CCNY: variants seen among roughly 807,000 people sequenced by gnomAD.
The protein encoded by CCNY is cyclin Y.
CCNY carries 19 observed loss-of-function variants against 42.8 expected under a neutral mutation model. The observed-to-expected ratio is 0.44, with a 90% CI of 0.31 to 0.65. The LOEUF (loss-of-function observed/expected upper bound fraction) is 0.65. Among genes scored for constraint, CCNY ranks in the 30% least tolerant of loss-of-function variants. The probability of loss-of-function intolerance (pLI) is 0.07; values close to 1 mark genes in which losing one functional copy is unlikely to be tolerated. For synonymous variants in CCNY, 165 were observed against 162.7 expected (o/e 1.01, Z -0.11); for missense variants, 370 against 437.3 (o/e 0.85, Z 1.37).
intron 3 of CCNY, among the ~76,000 whole-genome samples, chr10:35,325,990 C>T (rs998887058): frequency 3.3e-5 from 5 of 152,042 alleles, no homozygotes; most frequent in Non-Finnish European, 4.4e-5. Context: ...GTAGGAGGAT[C>T]GCTTGAGCCC....
At chr10:35,558,302 A>C (rs141884792) in intron 8 of CCNY, among the ~76,000 whole-genome samples, 2 of 152,346 alleles carry the variant, frequency 1.3e-5, no homozygotes, top group Non-Finnish European at 2.9e-5. Context: ...GGAAAGAAGA[A>C]GCCAGAAGGA....
intron 1 of CCNY, among the ~76,000 whole-genome samples, chr10:35,382,459 ACT>A (rs1837208656): frequency 6.6e-6 from 1 of 152,070 alleles, no homozygotes; most frequent in Non-Finnish European, 1.5e-5. Context: ...TGGCTTCTTG[ACT>A]CTCATCTCCA....
intron 1 of CCNY, among the ~76,000 whole-genome samples, chr10:35,408,480 G>A (rs117178989): frequency 1.1e-3 from 166 of 151,266 alleles, no homozygotes; most frequent in Middle Eastern, 3.4e-3. Context: ...TGGGGGCAGG[G>A]GGTGGATCTC....
At chr10:35,396,081 T>C (rs1187063334) in intron 1 of CCNY, among the ~76,000 whole-genome samples, 1 of 152,156 alleles carries the variant, frequency 6.6e-6, no homozygotes, top group Admixed American at 6.5e-5. Context: ...ACTGACTGGC[T>C]CTTTCATCCT....
In CCNY at chr10:35,304,289, CTTTTATTTTTTTTTTTT is replaced by C. The variant is rs1335854983; in HGVS notation, c.-9+53675_-9+53691del. 2.5e-5 allele frequency among the ~76,000 whole-genome samples: 3 copies of C among 118,372 alleles called. 1 individual carries two copies. The highest frequency in any genetic ancestry group is 2.7e-4 in the South Asian group (1 of 3,646). The allele number at this position is 118,372 out of a possible 152,430, so 77.7% of individuals were successfully genotyped here. On this transcript the variant is annotated intron_variant, in intron 3 of 11. Transcript: ENST00000374706. ...AAGATCTTGAAAAGGCTTTTTTCTC[CTTTTATTTTTTTTTTTT>C]TTTTATTTTTTATTTTTTTTTGAGA...
At position 35,530,344 on chromosome 10, in the gene CCNY, A is replaced by G. The variant is rs566359478; in HGVS notation, c.579+101A>G. 124 of 1,460,238 alleles carry G rather than the reference A, an allele frequency of 8.5e-5. 1 individual carries two copies. The South Asian group carries it at 1.4e-3, about 16-fold the overall frequency. The allele number at this position is 1,460,238 out of a possible 1,614,324, so 90.5% of individuals were successfully genotyped here. A position where few individuals can be genotyped will look rare whatever the true frequency, so the allele number is the denominator to read the frequency against. ...GAGGTTGGAGCAGGGAATCCTCACC[A>G]GGTTACCCTGTGGACACCGTGGCAT... On this transcript the variant is annotated intron_variant, in intron 7 of 9. Transcript: ENST00000374704. This position sits in a 1 kb window ranked among gnomAD's most constrained non-coding sequence, Gnocchi z 4.3.
chr10:35,448,132 C>A (rs192042454), intron 1 of CCNY, among the ~76,000 whole-genome samples: 1 of 152,306 alleles, frequency 6.6e-6, no homozygotes, highest in Non-Finnish European at 1.5e-5. Flanking sequence ...GACTTCTGTA[C>A]AGCAGCAGAT....
At chr10:35,440,268 C>T (rs1838637274) in intron 1 of CCNY, among the ~76,000 whole-genome samples, 1 of 152,166 alleles carries the variant, frequency 6.6e-6, no homozygotes, top group Non-Finnish European at 1.5e-5. Context: ...CAGCTTTTAT[C>T]TGAGATAAGT....
intron 1 of CCNY, among the ~76,000 whole-genome samples, chr10:35,463,556 G>T (rs990923342): frequency 1.3e-5 from 2 of 152,016 alleles, no homozygotes; most frequent in African/African-American, 4.8e-5. Flanking sequence ...AAGTTTAAAA[G>T]GAAAAAGAGT....
intron 1 of CCNY, among the ~76,000 whole-genome samples, chr10:35,476,208 A>G (rs896561857): frequency 1.3e-5 from 2 of 152,216 alleles, no homozygotes; most frequent in Non-Finnish European, 2.9e-5. Flanking sequence ...ACCCACTGTC[A>G]ACATTAGACA....
At chr10:35,299,660 T>C (rs1466731634) in intron 3 of CCNY, among the ~76,000 whole-genome samples, 1 of 152,234 alleles carries the variant, frequency 6.6e-6, no homozygotes, top group East Asian at 1.9e-4. Context: ...TAAAGTGGAT[T>C]TCTTGTAGAC....
chr10:35,438,860 A>G (rs1423101659), intron 1 of CCNY, among the ~76,000 whole-genome samples: 1 of 152,138 alleles, frequency 6.6e-6, no homozygotes, highest in Non-Finnish European at 1.5e-5. Context: ...TCTGCTGGTG[A>G]CAGTTTCTCT....
At chr10:35,279,322 C>T (rs1835273806) in intron 3 of CCNY, among the ~76,000 whole-genome samples, 1 of 151,968 alleles carries the variant, frequency 6.6e-6, no homozygotes, top group Non-Finnish European at 1.5e-5. Context: ...CCATGTTGGC[C>T]AGTCTGGTCT....
chr10:35,306,084 G>C (rs1025720744), intron 3 of CCNY, among the ~76,000 whole-genome samples: 5 of 152,196 alleles, frequency 3.3e-5, no homozygotes, highest in Non-Finnish European at 7.4e-5. Context: ...GCCCAGCCTG[G>C]AGTGCAGTGG....
chr10:35,489,482 A>T (rs1839855876), intron 2 of CCNY, among the ~76,000 whole-genome samples: 1 of 151,972 alleles, frequency 6.6e-6, no homozygotes, highest in Non-Finnish European at 1.5e-5. Flanking sequence ...TTGTATTTTT[A>T]GTAGAGATGG....
At chr10:35,401,111 G>A (rs183968317) in intron 1 of CCNY, among the ~76,000 whole-genome samples, 1 of 152,218 alleles carries the variant, frequency 6.6e-6, no homozygotes, top group Non-Finnish European at 1.5e-5. Flanking sequence ...CAGCTCTGTC[G>A]AGCATCAGCA....
At chr10:35,251,843 C>T (rs1340651790) in intron 3 of CCNY, among the ~76,000 whole-genome samples, 2 of 152,092 alleles carry the variant, frequency 1.3e-5, no homozygotes, top group African/African-American at 2.4e-5. Flanking sequence ...CCTGTTTCGG[C>T]GGCCCAAACT....
At chr10:35,539,524 C>T (rs968491021) in intron 7 of CCNY, among the ~76,000 whole-genome samples, 1 of 152,170 alleles carries the variant, frequency 6.6e-6, no homozygotes, top group Non-Finnish European at 1.5e-5. Context: ...TGCAGTGGCT[C>T]ACGCCTGTAA....
intron 1 of CCNY, among the ~76,000 whole-genome samples, chr10:35,425,485 G>A (rs1388499049): frequency 1.3e-5 from 2 of 152,160 alleles, no homozygotes; most frequent in Non-Finnish European, 2.9e-5. Flanking sequence ...TTATAACTCC[G>A]TAATAGAATA....
Sources: gnomAD v4.1 joint callset for allele counts (sites outside exome capture counted in the v4.1 genomes callset) on GRCh38, gnomAD v4.1.1 for gene constraint, Gnocchi (gnomAD v3.1) non-coding constraint, MANE v1.5 for transcripts, NCBI Gene and HGNC (gene_info 2026-07-23, HGNC 2026-07-21) for gene names.